Variants in ZNF37A observed in about 807,000 individuals in gnomAD.
ZNF37A encodes the protein zinc finger protein 37a (KOX 21).
A neutral mutation model predicts 12.3 loss-of-function variants in ZNF37A; 10 were observed. The ratio of observed to expected loss-of-function variants is 0.82; its 90% confidence interval spans 0.50 to 1.38. The LOEUF (loss-of-function observed/expected upper bound fraction) is 1.38. ZNF37A is among the 40% of genes most tolerant of loss of function. The probability of loss-of-function intolerance (pLI) is 0.00; values close to 1 mark genes in which losing one functional copy is unlikely to be tolerated. For synonymous variants in ZNF37A, 207 were observed against 223.0 expected, an observed-to-expected ratio of 0.93 and a Z score of 0.64; for missense variants, 580 against 651.2, an observed-to-expected ratio of 0.89 and a Z score of 1.19.
downstream of ZNF37A, among the ~76,000 whole-genome samples, chr10:38,126,448 C>T (rs116899648): frequency 5.9e-5 from 9 of 152,268 alleles, no homozygotes; most frequent in East Asian, 1.9e-4. Context: ...ACAGATTTGA[C>T]GGTTAGACTG....
Position 38,145,977 on chromosome 10 carries a change from G to A in ZNF37A, c.239-755G>A, listed in dbSNP as rs1051901788. ...TAGCCAGGCGTGGTGGTGGGCACCT[G>A]TAATCCCATCTACTCAGGAGGCTGA... On this transcript the variant is annotated intron_variant, in intron 7 of 7. Transcript: ENST00000638053. Among the ~76,000 whole-genome samples, 12 of 152,218 alleles carry A rather than the reference G, an allele frequency of 7.9e-5. No homozygotes were observed. The South Asian group carries it at 1.9e-3, about 24-fold the overall frequency.
intron 7 of ZNF37A, chr10:38,142,060 A>C (rs1332079471): frequency 6.6e-6 from 1 of 152,284 alleles, no homozygotes; most frequent in African/African-American, 2.4e-5. Context: ...CAGTGAGCTG[A>C]GGTTGCGCCA....
intron 5 of ZNF37A, among the ~76,000 whole-genome samples, chr10:38,098,142 A>G (rs1237413964): frequency 6.6e-6 from 1 of 152,228 alleles, no homozygotes; most frequent in East Asian, 1.9e-4. Flanking sequence ...GTTGTATATC[A>G]GTACTTTGTC....
At chr10:38,107,821 C>T (rs1361597973) in intron 5 of ZNF37A, among the ~76,000 whole-genome samples, 2 of 152,166 alleles carry the variant, frequency 1.3e-5, no homozygotes, top group Non-Finnish European at 2.9e-5. Flanking sequence ...AATATATATG[C>T]ACCCAATACA....
intron 7 of ZNF37A, chr10:38,139,200 G>C (rs1440075057): frequency 6.6e-6 from 1 of 152,030 alleles, no homozygotes; most frequent in African/African-American, 2.4e-5. Flanking sequence ...ATTGAGTTCT[G>C]AGGACAGACT....
At chr10:38,113,680 C>T (rs1453053344) in intron 5 of ZNF37A, among the ~76,000 whole-genome samples, 1 of 152,194 alleles carries the variant, frequency 6.6e-6, no homozygotes, top group Non-Finnish European at 1.5e-5. Context: ...TGAATTCCCT[C>T]TTCCACATCT....
At chr10:38,115,439 C>A in intron 7 of ZNF37A, 149 bp downstream of exon 7, 1 of 1,141,186 alleles carries the variant, frequency 8.8e-7, no homozygotes, top group Non-Finnish European at 1.2e-6. Flanking sequence ...CCCAAATATG[C>A]AGTGACTCTG....
chr10:38,103,309 A>G (rs2067749501), intron 5 of ZNF37A, among the ~76,000 whole-genome samples: 2 of 152,092 alleles, frequency 1.3e-5, no homozygotes, highest in African/African-American at 4.8e-5. Flanking sequence ...TTGAGCTCCA[A>G]TCTGTCACTG....
At chr10:38,144,919 A>G (rs886972864) in intron 7 of ZNF37A, among the ~76,000 whole-genome samples, 12 of 152,084 alleles carry the variant, frequency 7.9e-5, no homozygotes, top group African/African-American at 2.7e-4. Context: ...ATTCTACAAC[A>G]TATATAGTGC....
chr10:38,133,675 T>C (rs1246167431), intron 7 of ZNF37A, among the ~76,000 whole-genome samples: 1 of 152,170 alleles, frequency 6.6e-6, no homozygotes, highest in Admixed American at 6.5e-5. Flanking sequence ...ATATACTCCA[T>C]GGTGTATATG....
chr10:38,114,737 A>G lies in ZNF37A; in HGVS notation c.16-18A>G, dbSNP rs1473370963. 6.2e-7 allele frequency: 1 copy of G among 1,614,042 alleles called. No individual in the cohort carries two copies. Among genetic ancestry groups the G allele is most frequent in the African/African-American group, 1.3e-5 (1 of 75,034 alleles). ...TGATTCTTATCACTTCAGACTGAGC[A>G]AAATTGTGATTTTCCAGGGATCAGT... is the stretch of plus-strand genomic sequence containing the variant. On this transcript the variant is annotated intron_variant, in intron 5 of 7. Transcript: ENST00000685332.
chr10:38,135,967 A>C (rs1252019325), intron 7 of ZNF37A, among the ~76,000 whole-genome samples: 1 of 152,148 alleles, frequency 6.6e-6, no homozygotes, highest in Non-Finnish European at 1.5e-5. Flanking sequence ...TTACTGTCTA[A>C]CTTTCTTTCA....
intron 7 of ZNF37A, among the ~76,000 whole-genome samples, chr10:38,133,210 T>C (rs1233741137): frequency 6.6e-6 from 1 of 152,218 alleles, no homozygotes; most frequent in African/African-American, 2.4e-5. Context: ...TCATGTTTTT[T>C]AAAAATTAAT....
At chr10:38,114,375 A>G (rs890978054) in intron 5 of ZNF37A, among the ~76,000 whole-genome samples, 14 of 152,204 alleles carry the variant, frequency 9.2e-5, no homozygotes, top group African/African-American at 3.4e-4. Flanking sequence ...TGTGTTACAC[A>G]TAGCTGTGGT....
intron 5 of ZNF37A, among the ~76,000 whole-genome samples, chr10:38,100,095 G>A (rs996476808): frequency 6.6e-6 from 1 of 152,172 alleles, no homozygotes; most frequent in African/African-American, 2.4e-5. Flanking sequence ...TGCCCCACAA[G>A]CCATAAAACC....
Position 38,123,643 on chromosome 10 carries a change from A to G in ZNF37A, c.*4806A>G, listed in dbSNP as rs2069840096. 6.6e-6 allele frequency: 1 copy of G among 152,012 alleles called. No homozygotes were observed. The highest frequency in any genetic ancestry group is 1.5e-5 in the Non-Finnish European group (1 of 68,034). 9.4% of individuals were successfully genotyped at this position (152,012 alleles called of 1,614,324 possible). Reference sequence around the variant, plus strand: ...ATATATAAGGAGCTATAACAATTCTATAGAAAAAAAAATCTGATTTAAAAC... The same window carrying G: ...ATATATAAGGAGCTATAACAATTCTGTAGAAAAAAAAATCTGATTTAAAAC... On this transcript the variant is annotated 3_prime_UTR_variant, in exon 8 of 8. Transcript: ENST00000685332.
At chr10:38,132,993 A>G (rs2474589) in intron 7 of ZNF37A, among the ~76,000 whole-genome samples, 18,240 of 152,050 alleles carry the variant, frequency 0.12, 1,436 homozygotes, top group Admixed American at 0.2. Flanking sequence ...TAATTGCTCT[A>G]TTGACTCTCT....
exon 8 of ZNF37A, chr10:38,147,935 T>G (rs1424702210): frequency 6.6e-6 from 1 of 152,218 alleles, no homozygotes; most frequent in Admixed American, 6.5e-5. Context: ...TGTGGAAAAT[T>G]GATTTCGATG....
chr10:38,108,854 C>T (rs2068376326), intron 5 of ZNF37A, among the ~76,000 whole-genome samples: 1 of 152,174 alleles, frequency 6.6e-6, no homozygotes, highest in African/African-American at 2.4e-5. Context: ...AGCCTACCAA[C>T]CAAAAATGTC....
Sources: allele counts gnomAD v4.1 joint callset (sites outside exome capture counted in the v4.1 genomes callset), GRCh38; gene constraint gnomAD v4.1.1; transcripts MANE v1.5; gene names NCBI Gene and HGNC (gene_info 2026-07-23, HGNC 2026-07-21).